PRKDC: variants seen among roughly 807,000 people sequenced by gnomAD.
PRKDC encodes DNA-dependent protein kinase catalytic subunit.
In PRKDC, 82 loss-of-function variants were observed where a neutral mutation model predicts 486.9. The observed-to-expected ratio is 0.17, with a 90% confidence interval of 0.14 to 0.20. The LOEUF (loss-of-function observed/expected upper bound fraction) is 0.20, where lower values mean the gene tolerates loss of function less well. Among genes scored for constraint, PRKDC ranks in the 10% least tolerant of loss-of-function variants. PRKDC has a pLI of 1.00. For synonymous variants in PRKDC, 1,895 were observed against 1,837.0 expected (o/e 1.03, Z -0.81); for missense variants, 4,504 against 5,038.2 (o/e 0.89, Z 3.21).
chr8:47,955,272 C>T (rs2090682835), intron 4 of PRKDC, among the ~76,000 whole-genome samples: 1 of 151,240 alleles, frequency 6.6e-6, no homozygotes. Flanking sequence ...ACCATCCCGG[C>T]TAAAACGGTG....
intron 31 of PRKDC, 91 bp downstream of exon 31, chr8:47,893,048 T>C (rs987135654): frequency 6.3e-6 from 9 of 1,423,648 alleles, no homozygotes; most frequent in Non-Finnish European, 7.4e-6. Flanking sequence ...GCACCTACCA[T>C]CATGTCGCTG....
chr8:47,822,650 C>T (rs1400890667), intron 64 of PRKDC, among the ~76,000 whole-genome samples: 1 of 151,438 alleles, frequency 6.6e-6, no homozygotes, highest in Non-Finnish European at 1.5e-5. Flanking sequence ...ATTAGCCGGG[C>T]GTGGTGGCGG....
chr8:47,935,491 C>T (rs1296115014), intron 13 of PRKDC, among the ~76,000 whole-genome samples: 2 of 151,426 alleles, frequency 1.3e-5, no homozygotes, highest in Non-Finnish European at 2.9e-5. Context: ...CAGAGCGAGA[C>T]TCTTGTCACC....
rs369584602 is a variant in PRKDC, at chr8:47,866,525, A to C, written c.5364-1762T>G. 2.2e-4 allele frequency among the ~76,000 whole-genome samples: 33 copies of C among 152,368 alleles called. 1 individual carries two copies. Among genetic ancestry groups the C allele is most frequent in the Middle Eastern group, 3.4e-3 (1 of 294 alleles). On this transcript the variant is annotated intron_variant, in intron 40 of 85. Coordinates refer to ENST00000314191, the MANE Select transcript of PRKDC (RefSeq NM_006904.7). Reference sequence around the variant, plus strand: ...AAGGAGAAGCAAAATAAAAAGAGCAAAGACCTAATGTTAAAAATGGGCCCA... The same window carrying C: ...AAGGAGAAGCAAAATAAAAAGAGCACAGACCTAATGTTAAAAATGGGCCCA...
intron 40 of PRKDC, among the ~76,000 whole-genome samples, chr8:47,865,594 A>T (rs752798863): frequency 6.6e-6 from 1 of 152,114 alleles, no homozygotes; most frequent in African/African-American, 2.4e-5. Context: ...CATCTGTAAA[A>T]ATAAGAGGGT....
chr8:47,929,224 G>T, intron 18 of PRKDC, 46 bp from the exon 19 acceptor site: 2 of 1,310,316 alleles, frequency 1.5e-6, no homozygotes, highest in Non-Finnish European at 2.2e-6. Flanking sequence ...AGAATCGGGA[G>T]ACTGTATCCC....
chr8:47,943,432 C>A (rs1253739104), intron 9 of PRKDC, 66 bp from the exon 10 acceptor site: 2 of 1,470,580 alleles, frequency 1.4e-6, no homozygotes, highest in African/African-American at 1.4e-5. Flanking sequence ...AACCAACAAA[C>A]CTGCAGGGAT....
Position 47,943,304 on chromosome 8 carries a change from C to G in PRKDC, c.871G>C (p.Val291Leu). ...TTTAACAAGACTTCAAATAGAGACA[C>G]GTAGTTGTCCAGAAGGCAGGTGCTA... ...QFSTCLLDNY[V>L]SLFEVLLKWC... The change falls in exon 10 of 86, where the codon GTG becomes CTG. Residue 291 changes from valine (V) to leucine (L), a missense_variant. Transcript: ENST00000314191. 1 of 1,612,170 alleles carries G rather than the reference C, an allele frequency of 6.2e-7. No homozygotes were observed. Among genetic ancestry groups the G allele is most frequent in the Non-Finnish European group, 8.5e-7 (1 of 1,179,030 alleles).
intron 14 of PRKDC, 66 bp downstream of exon 14, chr8:47,934,943 C>T (rs1563811536): frequency 7.7e-7 from 1 of 1,291,016 alleles, no homozygotes; most frequent in Non-Finnish European, 1.1e-6. Flanking sequence ...ATTCGAAAAC[C>T]TCAGCAACAT....
At chr8:47,797,559 T>G (rs531011320) in intron 73 of PRKDC, among the ~76,000 whole-genome samples, 2 of 152,234 alleles carry the variant, frequency 1.3e-5, no homozygotes, top group Non-Finnish European at 2.9e-5. Flanking sequence ...CTATTACATT[T>G]TCAACTCAAA....
chr8:47,950,674 C>T (rs1417427166), intron 7 of PRKDC, among the ~76,000 whole-genome samples: 1 of 151,128 alleles, frequency 6.6e-6, no homozygotes, highest in African/African-American at 2.4e-5. Context: ...TTATATTTGT[C>T]CTTTCAAAAA....
At position 47,924,541 on chromosome 8, in the gene PRKDC, CAG is replaced by C. The variant is rs746580336; in HGVS notation, c.2419+2651_2419+2652del. On this transcript the variant is annotated intron_variant, in intron 21 of 85. Transcript: ENST00000314191. Reference sequence around the variant, plus strand: ...CACCACTGCTCTCCCGCCTGGGAAACAGAGTGAGACTCTGTCTCAAAATAATA... The same window carrying C: ...CACCACTGCTCTCCCGCCTGGGAAACAGTGAGACTCTGTCTCAAAATAATA... 2.6e-3 allele frequency among the ~76,000 whole-genome samples: 388 copies of C among 152,024 alleles called. 3 individuals are homozygous for C. Among genetic ancestry groups the C allele is most frequent in the Non-Finnish European group, 4.2e-3 (289 of 68,002 alleles).
In PRKDC at chr8:47,887,591, G is replaced by A. The variant is rs770681527; in HGVS notation, c.4528C>T (p.Leu1510=). ...GCTAACTCCAGAAGTCCGCTGGCCA[G>A]CTGCTTACAACTGAGGTCTAGAGAA... ...LPSLDLSCKQ[L]ASGLLELAFA... Residue 1510 remains leucine, a synonymous_variant, in exon 35 of 86, where the codon CTG becomes TTG. Transcript: ENST00000314191. 1.3e-6 allele frequency: 2 copies of A among 1,597,448 alleles called. No individual in the cohort carries two copies. The highest frequency in any genetic ancestry group is 8.5e-7 in the Non-Finnish European group (1 of 1,171,930).
chr8:47,816,681 A>T (rs913973483), intron 68 of PRKDC, among the ~76,000 whole-genome samples: 3 of 152,226 alleles, frequency 2.0e-5, no homozygotes, highest in Non-Finnish European at 4.4e-5. Context: ...TCTGGTAGAA[A>T]AGAAAAAAAT....
At chr8:47,934,949 A>C (rs1234729011) in intron 14 of PRKDC, 60 bp downstream of exon 14, 1 of 1,326,938 alleles carries the variant, frequency 7.5e-7, no homozygotes, top group African/African-American at 1.5e-5. Context: ...AAACCTCAGC[A>C]ACATTCCTAG....
At chr8:47,796,295 C>T (rs990558534) in intron 73 of PRKDC, among the ~76,000 whole-genome samples, 18 of 151,984 alleles carry the variant, frequency 1.2e-4, no homozygotes, top group South Asian at 8.3e-4. Context: ...GCCGAGATCA[C>T]GCCACTGCAC....
chr8:47,776,999 A>G lies in PRKDC; in HGVS notation c.12043-16T>C, dbSNP rs773486285. 6 of 1,606,158 alleles carry G rather than the reference A, an allele frequency of 3.7e-6. No individual in the cohort carries two copies. In the Admixed American group the frequency reaches 6.9e-5, roughly 18 times the overall value. On this transcript the variant is annotated splice_polypyrimidine_tract_variant and intron_variant, in intron 84 of 85. Transcript: ENST00000314191. ...GTTCAAAATTCTAGAAGAAAAGAAC[A>G]TGATTTTCCCGGCTGATCATAATGG...
At position 47,954,357 on chromosome 8, in the gene PRKDC, T is replaced by C; in HGVS notation, c.489A>G (p.Lys163=). 7.5e-7 allele frequency: 1 copy of C among 1,324,764 alleles called. No individual in the cohort carries two copies. The highest frequency in any genetic ancestry group is 1.0e-6 in the Non-Finnish European group (1 of 974,876). 82.1% of individuals were successfully genotyped at this position (1,324,764 alleles called of 1,614,324 possible). The stretch of plus-strand genomic sequence containing the variant: ...TCTCACCTGTATCTGGTATTTTTTT[T>C]TTCAATGCAAGTTCTCCATAGAATT... ...FSKFYGELAL[K]KKIPDTVLEK... The change falls in exon 5 of 86, where the codon AAA becomes AAG. Residue 163 remains lysine (K), a synonymous_variant. Coordinates refer to ENST00000314191, the MANE Select transcript of PRKDC (RefSeq NM_006904.7).
chr8:47,931,236 T>C (rs1273425739), intron 16 of PRKDC, among the ~76,000 whole-genome samples: 1 of 152,210 alleles, frequency 6.6e-6, no homozygotes, highest in African/African-American at 2.4e-5. Flanking sequence ...CAAATTTGTG[T>C]TACCAAACAC....
Sources: allele counts gnomAD v4.1 joint callset (sites outside exome capture counted in the v4.1 genomes callset), GRCh38; gene constraint gnomAD v4.1.1; transcripts MANE v1.5; gene names NCBI Gene and HGNC (gene_info 2026-07-23, HGNC 2026-07-21).